Variants in RAP1GDS1 observed in about 807,000 individuals in gnomAD.
RAP1GDS1 encodes the protein RAP1, GTP-GDP dissociation stimulator 1.
A neutral mutation model predicts 71.1 loss-of-function variants in RAP1GDS1; 35 were observed. The observed-to-expected ratio is 0.49, with a 90% CI of 0.38 to 0.65. RAP1GDS1 has a LOEUF of 0.65. RAP1GDS1 is among the 30% of genes least tolerant of loss of function. RAP1GDS1 has a pLI of 0.00. For synonymous variants in RAP1GDS1, 229 were observed against 243.1 expected (o/e 0.94, Z 0.54); for missense variants, 663 against 706.1 (o/e 0.94, Z 0.69).
chr4:98,438,163 T>C (rs1283367008), intron 14 of RAP1GDS1, among the ~76,000 whole-genome samples: 1 of 152,070 alleles, frequency 6.6e-6, no homozygotes, highest in Non-Finnish European at 1.5e-5. Context: ...TTTATCATTA[T>C]ATAGTGTACC....
chr4:98,308,638 A>T (rs897949400), intron 2 of RAP1GDS1, among the ~76,000 whole-genome samples: 4 of 152,066 alleles, frequency 2.6e-5, no homozygotes, highest in African/African-American at 9.7e-5. Context: ...GAACCTTTTC[A>T]TAAGAAGGAA....
At chr4:98,274,568 G>T (rs1431054707) in intron 1 of RAP1GDS1, among the ~76,000 whole-genome samples, 2 of 151,986 alleles carry the variant, frequency 1.3e-5, no homozygotes, top group East Asian at 3.9e-4. Context: ...CCTTTTTCTG[G>T]TCTTCATTTA....
chr4:98,432,628 T>A (rs1381185468), intron 12 of RAP1GDS1, among the ~76,000 whole-genome samples: 1 of 152,118 alleles, frequency 6.6e-6, no homozygotes, highest in Non-Finnish European at 1.5e-5. Flanking sequence ...TCTCAAAAAA[T>A]TTTTATGAAA....
chr4:98,325,457 A>G lies in RAP1GDS1; in HGVS notation c.113-17682A>G, dbSNP rs1333535163. 7.8e-3 allele frequency among the ~76,000 whole-genome samples: 1,181 copies of G among 152,020 alleles called. 15 individuals carry two copies. Among genetic ancestry groups the G allele is most frequent in the African/African-American group, 0.027 (1,130 of 41,374 alleles). On this transcript the variant is annotated intron_variant, in intron 2 of 14. Transcript: ENST00000408927. The stretch of plus-strand genomic sequence containing the variant: ...AAATGACTATAAATCATGCTGCTAT[A>G]AAGACACATGCACATGTATGTTTAT...
At chr4:98,298,888 A>G (rs1437437408) in intron 2 of RAP1GDS1, among the ~76,000 whole-genome samples, 2 of 152,190 alleles carry the variant, frequency 1.3e-5, no homozygotes, top group Admixed American at 1.3e-4. Flanking sequence ...TTCATGATTC[A>G]TGGGAGAAGG....
At chr4:98,311,962 A>G (rs781040931) in intron 2 of RAP1GDS1, among the ~76,000 whole-genome samples, 3 of 152,146 alleles carry the variant, frequency 2.0e-5, no homozygotes, top group Non-Finnish European at 2.9e-5. Context: ...CTTAAAAACA[A>G]TTAGGCAGGG....
intron 2 of RAP1GDS1, among the ~76,000 whole-genome samples, chr4:98,315,776 A>T (rs1011287184): frequency 5.3e-5 from 8 of 152,154 alleles, no homozygotes; most frequent in Non-Finnish European, 8.8e-5. Flanking sequence ...TTTTAAAAAG[A>T]TCAGTGTGGA....
chr4:98,405,067 G>A (rs1477585871), intron 7 of RAP1GDS1, among the ~76,000 whole-genome samples: 1 of 152,090 alleles, frequency 6.6e-6, no homozygotes, highest in Admixed American at 6.5e-5. Context: ...CAAATATAAT[G>A]TCTAACACGT....
intron 2 of RAP1GDS1, among the ~76,000 whole-genome samples, chr4:98,297,510 CATTATT>C (rs1727953455): frequency 6.6e-6 from 1 of 152,222 alleles, no homozygotes; most frequent in Admixed American, 6.5e-5. Flanking sequence ...ACATTTCAGA[CATTATT>C]ATTATATCTA....
intron 12 of RAP1GDS1, among the ~76,000 whole-genome samples, chr4:98,425,412 G>A (rs1425090470): frequency 6.6e-6 from 1 of 152,062 alleles, no homozygotes; most frequent in African/African-American, 2.4e-5. Flanking sequence ...GAATGTAAAT[G>A]GCCTAAATGT....
chr4:98,320,207 A>G (rs1731598404), intron 2 of RAP1GDS1, among the ~76,000 whole-genome samples: 1 of 152,154 alleles, frequency 6.6e-6, no homozygotes. Context: ...GTCAAAAGAT[A>G]TTTGCGGGTT....
chr4:98,426,670 A>T (rs1449891489), intron 12 of RAP1GDS1, among the ~76,000 whole-genome samples: 1 of 152,256 alleles, frequency 6.6e-6, no homozygotes, highest in East Asian at 1.9e-4. Context: ...ATCAGGAAGA[A>T]TTATTTAGAT....
In RAP1GDS1 at chr4:98,442,583, G is replaced by C. The variant is rs1752009078; in HGVS notation, c.*466G>C. The C allele has an allele frequency of 4.4e-6, 1 of 227,816 alleles. No homozygotes were observed. Among genetic ancestry groups the C allele is most frequent in the Non-Finnish European group, 8.7e-6 (1 of 114,548 alleles). The allele number at this position is 227,816 out of a possible 1,614,324, so 14.1% of individuals were successfully genotyped here. A position where few individuals can be genotyped will look rare whatever the true frequency, so the allele number is the denominator to read the frequency against. On this transcript the variant is annotated 3_prime_UTR_variant, in exon 15 of 15. Transcript: ENST00000408927. Reference sequence around the variant, plus strand: ...GCACAGTGACCAAAAAAGTTGTATGGCTGCTTATTCATTAGTCTTTCCTAC... The same window carrying C: ...GCACAGTGACCAAAAAAGTTGTATGCCTGCTTATTCATTAGTCTTTCCTAC...
chr4:98,381,571 G>A (rs1742029109), intron 5 of RAP1GDS1, among the ~76,000 whole-genome samples: 1 of 151,454 alleles, frequency 6.6e-6, no homozygotes, highest in Non-Finnish European at 1.5e-5. Flanking sequence ...ATAAGTCCCT[G>A]AAACAAAAAA....
At chr4:98,409,141 T>C (rs1234399074) in intron 7 of RAP1GDS1, 1 of 152,128 alleles carries the variant, frequency 6.6e-6, no homozygotes, top group African/African-American at 2.4e-5. Flanking sequence ...TTTATAGATC[T>C]TTTTTTAAAT....
intron 2 of RAP1GDS1, among the ~76,000 whole-genome samples, chr4:98,323,357 G>A (rs1292862551): frequency 7.2e-6 from 1 of 139,338 alleles, no homozygotes; most frequent in South Asian, 2.3e-4. Context: ...GGAGGAACTG[G>A]TACCATTCCT....
chr4:98,441,855 TA>T lies in RAP1GDS1; in HGVS notation c.1697-134del, dbSNP rs1751916571. ...ATTTCTAAGAAAGACATTGCTAGGC[TA>T]CTGCTATGTCTTTTTCCAGAATTGT... On this transcript the variant is annotated intron_variant, in intron 14 of 14. Transcript: ENST00000408927. The T allele has an allele frequency of 4.3e-6, 4 of 930,234 alleles. No homozygotes were observed. The South Asian group carries it at 7.1e-5, about 16-fold the overall frequency. The allele number at this position is 930,234 out of a possible 1,614,324, so 57.6% of individuals were successfully genotyped here. A position where few individuals can be genotyped will look rare whatever the true frequency, so the allele number is the denominator to read the frequency against.
chr4:98,406,646 A>G (rs1746154883), intron 7 of RAP1GDS1, among the ~76,000 whole-genome samples: 2 of 152,084 alleles, frequency 1.3e-5, no homozygotes, highest in Non-Finnish European at 2.9e-5. Context: ...AAATTTGAAA[A>G]TGATTAAGAC....
chr4:98,322,349 TAGAC>T (rs1732080770), intron 2 of RAP1GDS1, among the ~76,000 whole-genome samples: 1 of 104,222 alleles, frequency 9.6e-6, no homozygotes, highest in African/African-American at 4.0e-5. Context: ...CTGTCAACAT[TAGAC>T]AGATCACCGA....
Sources: gnomAD v4.1 joint callset for allele counts (sites outside exome capture counted in the v4.1 genomes callset) on GRCh38, gnomAD v4.1.1 for gene constraint, MANE v1.5 for transcripts, NCBI Gene and HGNC (gene_info 2026-07-23, HGNC 2026-07-21) for gene names.